The following BABAM2 variants were observed in gnomAD, a reference collection of about 807,000 sequenced individuals.
BABAM2 encodes the protein BRISC and BRCA1-A complex member 2.
BABAM2 carries 31 observed loss-of-function variants against 54.7 expected under a neutral mutation model. The observed-to-expected ratio is 0.57, with a 90% CI of 0.43 to 0.77. BABAM2 has a LOEUF of 0.77. BABAM2 is among the 30% of genes least tolerant of loss of function. The pLI is 0.00. For synonymous variants in BABAM2, 167 were observed against 162.9 expected (o/e 1.03, Z -0.19); for missense variants, 364 against 455.8 (o/e 0.80, Z 1.83).
intron 3 of BABAM2, among the ~76,000 whole-genome samples, chr2:27,979,916 T>TGA (rs1366007564): frequency 6.6e-6 from 1 of 152,162 alleles, no homozygotes; most frequent in East Asian, 1.9e-4. Context: ...TGAGCCTTCC[T>TGA]GAGATGGTGC....
At chr2:27,894,815 T>C (rs1665159236) in intron 2 of BABAM2, 131 bp downstream of exon 2, 4 of 1,040,246 alleles carry the variant, frequency 3.8e-6, no homozygotes, top group Admixed American at 2.5e-5. Context: ...TCATCATATG[T>C]TGATTCAGTT....
At chr2:28,237,777 A>G (rs1297415180) in intron 8 of BABAM2, among the ~76,000 whole-genome samples, 1 of 152,124 alleles carries the variant, frequency 6.6e-6, no homozygotes, top group African/African-American at 2.4e-5. Flanking sequence ...TCAGCCTTTG[A>G]TTCTTCCCGT....
At chr2:28,317,227 G>C (rs776162522) in intron 11 of BABAM2, among the ~76,000 whole-genome samples, 26 of 152,166 alleles carry the variant, frequency 1.7e-4, no homozygotes, top group Non-Finnish European at 3.4e-4. Context: ...CTGACTAAGC[G>C]TCCTGCGGTT....
intron 2 of BABAM2, among the ~76,000 whole-genome samples, chr2:27,919,848 G>T (rs1667225117): frequency 6.6e-6 from 1 of 152,164 alleles, no homozygotes; most frequent in Non-Finnish European, 1.5e-5. Context: ...CTCTAAAGTA[G>T]AGTTGAAGTT....
intron 7 of BABAM2, among the ~76,000 whole-genome samples, chr2:28,176,104 AG>A (rs928081833): frequency 3.3e-5 from 5 of 152,242 alleles, no homozygotes; most frequent in African/African-American, 7.2e-5. Context: ...CAATCCAAAA[AG>A]TTAGAAGTGA....
At chr2:28,298,551 G>A in intron 11 of BABAM2, 60 bp downstream of exon 11, 1 of 1,598,910 alleles carries the variant, frequency 6.3e-7, no homozygotes. Flanking sequence ...TAGTCCAGGG[G>A]TTGGCAAGCT....
chr2:27,942,643 C>A (rs563673815), intron 3 of BABAM2, among the ~76,000 whole-genome samples: 47 of 151,918 alleles, frequency 3.1e-4, no homozygotes, highest in Middle Eastern at 3.4e-3. Context: ...GCTGGGATTA[C>A]AGGCATGAGC....
intron 7 of BABAM2, among the ~76,000 whole-genome samples, chr2:28,235,235 T>G (rs10202308): frequency 1 from 151,803 of 152,314 alleles, 75,648 homozygotes; most frequent in Middle Eastern, 1. Context: ...GAGTGCAGTG[T>G]CACGATCTCT....
intron 6 of BABAM2, among the ~76,000 whole-genome samples, chr2:28,077,873 A>G (rs1317963018): frequency 1.3e-5 from 2 of 152,160 alleles, no homozygotes; most frequent in Non-Finnish European, 2.9e-5. Flanking sequence ...AAGAAAATTA[A>G]ATACCAACAG....
chr2:28,071,431 G>C (rs1394642431), intron 6 of BABAM2, among the ~76,000 whole-genome samples: 2 of 152,298 alleles, frequency 1.3e-5, no homozygotes, highest in African/African-American at 2.4e-5. Flanking sequence ...GGATGGAAAG[G>C]CTTAATTAGA....
intron 3 of BABAM2, among the ~76,000 whole-genome samples, chr2:27,961,763 T>C (rs1294416456): frequency 6.7e-6 from 1 of 148,816 alleles, no homozygotes; most frequent in East Asian, 2.0e-4. Flanking sequence ...GGTCTCACTC[T>C]GTCACCCAGG....
At chr2:27,950,902 A>G (rs1225186566) in intron 3 of BABAM2, among the ~76,000 whole-genome samples, 2 of 152,136 alleles carry the variant, frequency 1.3e-5, no homozygotes, top group Non-Finnish European at 2.9e-5. Flanking sequence ...GAATTTGTCC[A>G]TTTCATCTAA....
At chr2:28,082,034 G>T (rs762633600) in intron 6 of BABAM2, among the ~76,000 whole-genome samples, 8 of 152,084 alleles carry the variant, frequency 5.3e-5, no homozygotes, top group Non-Finnish European at 1.2e-4. Context: ...TTTCTTTGGA[G>T]GTAAGGAAAC....
chr2:28,045,910 T>C lies in BABAM2; in HGVS notation c.570+111T>C, dbSNP rs796622650. ...AGCATTTTGTTCAGATGATGAATTC[T>C]ATTAAAAATATTTCTTACATGAAGT... On this transcript the variant is annotated intron_variant, in intron 6 of 11. Transcript: ENST00000379624. 18 of 833,604 alleles carry C rather than the reference T, an allele frequency of 2.2e-5. No homozygotes were observed. The African/African-American group carries it at 2.6e-4, about 12-fold the overall frequency. 51.6% of individuals were successfully genotyped at this position (833,604 alleles called of 1,614,324 possible). A position where few individuals can be genotyped will look rare whatever the true frequency, so the allele number is the denominator to read the frequency against.
intron 7 of BABAM2, among the ~76,000 whole-genome samples, chr2:28,225,435 G>A (rs527850157): frequency 5.9e-5 from 9 of 152,142 alleles, no homozygotes; most frequent in Non-Finnish European, 1.3e-4. Context: ...TGCAGGAACA[G>A]GATTTTATTT....
chr2:28,015,180 G>A (rs1470977422), intron 4 of BABAM2, among the ~76,000 whole-genome samples: 1 of 152,144 alleles, frequency 6.6e-6, no homozygotes, highest in African/African-American at 2.4e-5. Context: ...AAGCATGGCT[G>A]CTGTGTCCAC....
At chr2:28,330,915 C>T (rs931162313) in intron 11 of BABAM2, among the ~76,000 whole-genome samples, 10 of 152,012 alleles carry the variant, frequency 6.6e-5, no homozygotes, top group Non-Finnish European at 1.2e-4. Flanking sequence ...TTGGAGGCAT[C>T]ACGTGACTTC....
chr2:28,064,897 G>A (rs933685953), intron 6 of BABAM2, among the ~76,000 whole-genome samples: 9 of 152,148 alleles, frequency 5.9e-5, no homozygotes, highest in African/African-American at 2.2e-4. Context: ...CAGCTACTCG[G>A]GAGGCCGAGG....
intron 3 of BABAM2, among the ~76,000 whole-genome samples, chr2:27,971,687 C>T (rs577336816): frequency 6.6e-6 from 1 of 151,218 alleles, no homozygotes; most frequent in African/African-American, 2.4e-5. Flanking sequence ...GCTAAATTTT[C>T]CCATGTGTTT....
Sources: allele counts gnomAD v4.1 joint callset (sites outside exome capture counted in the v4.1 genomes callset), GRCh38; gene constraint gnomAD v4.1.1; transcripts MANE v1.5; gene names NCBI Gene and HGNC (gene_info 2026-07-23, HGNC 2026-07-21).